ARFIP1: variants seen among roughly 807,000 people sequenced by gnomAD.
ARFIP1 encodes the protein ARF interacting protein 1.
ARFIP1 carries 24 observed loss-of-function variants against 42.5 expected under a neutral mutation model. The observed-to-expected ratio is 0.57, with a 90% CI of 0.41 to 0.80. The LOEUF is 0.80. Among genes scored for constraint, ARFIP1 ranks in the 30% least tolerant of loss-of-function variants. The pLI is 0.00. For missense variants in ARFIP1, 354 were observed against 434.0 expected (o/e 0.82, Z 1.64); for synonymous variants, 141 against 153.7 (o/e 0.92, Z 0.61).
intron 5 of ARFIP1, among the ~76,000 whole-genome samples, chr4:152,876,790 A>G (rs1269031853): frequency 6.6e-6 from 1 of 152,202 alleles, no homozygotes; most frequent in Admixed American, 6.5e-5. Flanking sequence ...TATGCAGCCT[A>G]GGGACTTAAT....
At chr4:152,843,535 G>T (rs1732276176) in intron 2 of ARFIP1, among the ~76,000 whole-genome samples, 1 of 152,152 alleles carries the variant, frequency 6.6e-6, no homozygotes, top group South Asian at 2.1e-4. Context: ...GGGACCATCA[G>T]GTAGGGGCAG....
chr4:152,799,226 A>G (rs1275350246), intron 1 of ARFIP1, among the ~76,000 whole-genome samples: 3 of 60,736 alleles, frequency 4.9e-5, no homozygotes, highest in Non-Finnish European at 1.4e-4. Context: ...ATAGATATAC[A>G]TATGATTATG....
At chr4:152,896,441 G>A (rs979059370) in intron 8 of ARFIP1, among the ~76,000 whole-genome samples, 1 of 152,078 alleles carries the variant, frequency 6.6e-6, no homozygotes, top group African/African-American at 2.4e-5. Flanking sequence ...GAATGCTAAT[G>A]ATAGAAAACT....
intron 8 of ARFIP1, among the ~76,000 whole-genome samples, chr4:152,898,517 C>T (rs973624262): frequency 4.6e-5 from 7 of 152,060 alleles, no homozygotes; most frequent in African/African-American, 1.7e-4. Flanking sequence ...TTTTAAGGTG[C>T]TTGTTTTGTG....
rs562179715 is a variant in ARFIP1 at position 152,873,492 on chromosome 4, C to T, written c.411+928C>T. On this transcript the variant is annotated intron_variant, in intron 5 of 8. Transcript: ENST00000353617. ...ATGAATCTGTCCAAAAATTATTTAG[C>T]TCATGAAAGTGTAGAATCTGAGAAA... 1.7e-4 allele frequency among the ~76,000 whole-genome samples: 26 copies of T among 152,272 alleles called. No individual in the cohort carries two copies. In the South Asian group the frequency reaches 4.6e-3, roughly 27 times the overall value.
intron 1 of ARFIP1, among the ~76,000 whole-genome samples, chr4:152,804,140 T>C (rs1197394546): frequency 8.1e-6 from 1 of 123,758 alleles, no homozygotes; most frequent in African/African-American, 3.3e-5. Flanking sequence ...ATATATAATA[T>C]AACATGTATT....
intron 8 of ARFIP1, among the ~76,000 whole-genome samples, chr4:152,894,921 A>T (rs759814806): frequency 4.6e-5 from 7 of 152,232 alleles, no homozygotes; most frequent in Non-Finnish European, 8.8e-5. Flanking sequence ...ACTGAGAACC[A>T]GAGAGTATTC....
At chr4:152,830,946 A>G (rs1731202106) in intron 2 of ARFIP1, among the ~76,000 whole-genome samples, 1 of 152,214 alleles carries the variant, frequency 6.6e-6, no homozygotes, top group African/African-American at 2.4e-5. Context: ...TATGTCTTCA[A>G]GCTCGAGGTT....
At chr4:152,900,587 T>C (rs1204775653) in intron 8 of ARFIP1, among the ~76,000 whole-genome samples, 1 of 152,166 alleles carries the variant, frequency 6.6e-6, no homozygotes, top group Non-Finnish European at 1.5e-5. Flanking sequence ...TCTCAAACAG[T>C]AGTTGCTTTA....
chr4:152,826,607 C>A (rs544832624), intron 1 of ARFIP1, among the ~76,000 whole-genome samples: 2 of 151,992 alleles, frequency 1.3e-5, no homozygotes, highest in Admixed American at 1.3e-4. Context: ...ACCACTTGTA[C>A]CCCTAAAGCT....
In ARFIP1 at chr4:152,826,061, A is replaced by C. The variant is rs548915475; in HGVS notation, c.-9-3564A>C. Among the ~76,000 whole-genome samples, 4 of 152,290 alleles carry C rather than the reference A, an allele frequency of 2.6e-5. No homozygotes were observed. The East Asian group carries it at 7.7e-4, about 29-fold the overall frequency. On this transcript the variant is annotated intron_variant, in intron 1 of 8. Coordinates refer to ENST00000353617, the MANE Select transcript of ARFIP1 (RefSeq NM_001025595.3). ...GCTTATACGTTGCTGGTGATAAAAC[A>C]GTATGTAGAGATCTCAAAGAAGTAA...
chr4:152,849,555 G>A (rs1732820677), intron 2 of ARFIP1, among the ~76,000 whole-genome samples: 1 of 152,180 alleles, frequency 6.6e-6, no homozygotes, highest in Non-Finnish European at 1.5e-5. Context: ...CTAAGTGGGT[G>A]AGGCCAAGAG....
At chr4:152,881,393 A>T (rs535058946) in intron 6 of ARFIP1, among the ~76,000 whole-genome samples, 1 of 152,268 alleles carries the variant, frequency 6.6e-6, no homozygotes, top group African/African-American at 2.4e-5. Flanking sequence ...TCATATGTAT[A>T]TAAATCTTTC....
chr4:152,877,078 C>G (rs1047014814), intron 5 of ARFIP1, among the ~76,000 whole-genome samples: 8 of 152,120 alleles, frequency 5.3e-5, no homozygotes, highest in Non-Finnish European at 1.2e-4. Context: ...GCGATCAGAG[C>G]CCCCCACACA....
chr4:152,825,957 A>G (rs1260534789), intron 1 of ARFIP1, among the ~76,000 whole-genome samples: 1 of 152,204 alleles, frequency 6.6e-6, no homozygotes, highest in East Asian at 1.9e-4. Flanking sequence ...ACCGTGAGAT[A>G]CCACCTTACC....
intron 2 of ARFIP1, among the ~76,000 whole-genome samples, chr4:152,851,603 G>T (rs983685259): frequency 5.3e-5 from 8 of 152,184 alleles, no homozygotes; most frequent in Non-Finnish European, 7.3e-5. Context: ...ATAAAAATGG[G>T]AGTGTCTCAG....
At chr4:152,849,404 C>T (rs1325301100) in intron 2 of ARFIP1, among the ~76,000 whole-genome samples, 1 of 151,910 alleles carries the variant, frequency 6.6e-6, no homozygotes, top group Non-Finnish European at 1.5e-5. Context: ...AGGAATATGT[C>T]GTTTTTAAAT....
At chr4:152,847,179 C>G (rs1435697859) in intron 2 of ARFIP1, among the ~76,000 whole-genome samples, 1 of 128,522 alleles carries the variant, frequency 7.8e-6, no homozygotes, top group African/African-American at 2.9e-5. Flanking sequence ...CGCCCCCAGG[C>G]CGGAGTGCAA....
At chr4:152,904,142 C>G (rs1291569175) in intron 8 of ARFIP1, among the ~76,000 whole-genome samples, 1 of 148,824 alleles carries the variant, frequency 6.7e-6, no homozygotes, top group African/African-American at 2.5e-5. Flanking sequence ...GTTTGCTGCA[C>G]CTATCAACCC....
Sources: gnomAD v4.1 joint callset for allele counts (sites outside exome capture counted in the v4.1 genomes callset) on GRCh38, gnomAD v4.1.1 for gene constraint, MANE v1.5 for transcripts, NCBI Gene and HGNC (gene_info 2026-07-23, HGNC 2026-07-21) for gene names.